Variants in PRR5 observed in about 807,000 individuals in gnomAD.
PRR5 encodes proline-rich protein 5.
A neutral mutation model predicts 30.6 loss-of-function variants in PRR5; 25 were observed. The observed-to-expected ratio is 0.82, with a 90% CI of 0.60 to 1.14. PRR5 has a LOEUF of 1.14. PRR5 is among the 50% of genes most tolerant of loss of function. PRR5 has a pLI of 0.00. For missense variants in PRR5, 600 were observed against 547.1 expected, an observed-to-expected ratio of 1.10 and a Z score of -0.96; for synonymous variants, 286 against 247.1, an observed-to-expected ratio of 1.16 and a Z score of -1.48.
intron 1 of PRR5, among the ~76,000 whole-genome samples, chr22:44,707,974 A>T (rs1240040011): frequency 2.0e-5 from 3 of 152,070 alleles, no homozygotes; most frequent in African/African-American, 7.2e-5. Flanking sequence ...GCCGGCGATG[A>T]TTCGCTTCTC....
chr22:44,678,156 A>G (rs1923931002), intron 1 of PRR5, among the ~76,000 whole-genome samples: 2 of 152,038 alleles, frequency 1.3e-5, no homozygotes, highest in Admixed American at 6.5e-5. Flanking sequence ...GTCATCTCCA[A>G]TGCCCAGTCC....
At chr22:44,711,369 C>G (rs1226599340) in intron 1 of PRR5, among the ~76,000 whole-genome samples, 1 of 152,102 alleles carries the variant, frequency 6.6e-6, no homozygotes, top group Non-Finnish European at 1.5e-5. Flanking sequence ...CAGAAAGAAG[C>G]CAGGGCAGCT....
rs1925221530 is a variant in PRR5 at position 44,691,361 on chromosome 22, G to A, written c.-10-11131G>A. ...GCACGGAGAGGAGGCTACCCAGCTGGAGGGGTTGTGGTGGGGAGGCCGTGG... is the reference window on the plus strand; with the variant it reads ...GCACGGAGAGGAGGCTACCCAGCTGAAGGGGTTGTGGTGGGGAGGCCGTGG... On this transcript the variant is annotated intron_variant, in intron 1 of 8. Transcript: ENST00000006251. The surrounding 1 kb of genome is among the most constrained non-coding windows in gnomAD (Gnocchi z 4.4). Among the ~76,000 whole-genome samples, 1 of 152,152 alleles carries A rather than the reference G, an allele frequency of 6.6e-6. No homozygotes were observed. The highest frequency in any genetic ancestry group is 2.4e-5 in the African/African-American group (1 of 41,428).
intron 1 of PRR5, among the ~76,000 whole-genome samples, chr22:44,684,147 C>A (rs1241901281): frequency 6.6e-6 from 1 of 152,174 alleles, no homozygotes; most frequent in Non-Finnish European, 1.5e-5. Flanking sequence ...CCACCTGTGG[C>A]CACCCCAGCC....
chr22:44,700,034 G>A (rs1160425431), upstream of PRR5, among the ~76,000 whole-genome samples: 8 of 152,084 alleles, frequency 5.3e-5, no homozygotes, highest in Non-Finnish European at 1.0e-4. Context: ...TGAGAGCGTG[G>A]GCTAGGCACA....
intron 1 of PRR5, among the ~76,000 whole-genome samples, chr22:44,678,079 C>T (rs750915701): frequency 4.7e-4 from 71 of 152,288 alleles, no homozygotes; most frequent in African/African-American, 1.7e-3. Context: ...CAGAGTCACG[C>T]GTGCAGCAGC....
intron 1 of PRR5, among the ~76,000 whole-genome samples, chr22:44,682,680 C>T (rs955847963): frequency 1.1e-4 from 17 of 152,338 alleles, no homozygotes; most frequent in African/African-American, 4.1e-4. Flanking sequence ...AAGGAGGCTG[C>T]AGATGGCTCT....
rs1249582661 is a variant in PRR5 at position 44,737,036 on chromosome 22, C to G, written c.956C>G (p.Pro319Arg). The G allele has an allele frequency of 6.2e-7, 1 of 1,604,180 alleles. No individual in the cohort carries two copies. The highest frequency in any genetic ancestry group is 1.7e-4 in the Middle Eastern group (1 of 6,038). ...SSPAPHSGPC[P>R]SRLYPTTQPP... ...CCGGCGCCCCACTCAGGGCCCTGCC[C>G]CAGCAGACTGTACCCCACGACCCAG... The change falls in exon 8 of 8, where the codon CCC becomes CGC. Residue 319 changes from proline to arginine, a missense_variant. By Grantham distance (103) the Pro-to-Arg change is moderately radical (BLOSUM62 -2). Coordinates refer to ENST00000336985, the MANE Select transcript of PRR5 (RefSeq NM_181333.4).
chr22:44,717,727 T>C (rs1313845117), intron 2 of PRR5, among the ~76,000 whole-genome samples: 1 of 151,850 alleles, frequency 6.6e-6, no homozygotes, highest in East Asian at 1.9e-4. Context: ...CTTTTTTTTT[T>C]TTTTTTGAGA....
chr22:44,669,184 C>G (rs1923278253), intron 1 of PRR5, among the ~76,000 whole-genome samples: 1 of 151,788 alleles, frequency 6.6e-6, no homozygotes, highest in African/African-American at 2.4e-5. Flanking sequence ...TCCAGCCGCC[C>G]CGTGTCCCCA....
At chr22:44,722,721 G>A (rs1930123767) in intron 2 of PRR5, among the ~76,000 whole-genome samples, 1 of 152,182 alleles carries the variant, frequency 6.6e-6, no homozygotes. Flanking sequence ...CAGATCCATG[G>A]TTAAGAGAGC....
chr22:44,683,936 G>A (rs1016716517), intron 1 of PRR5, among the ~76,000 whole-genome samples: 3 of 152,260 alleles, frequency 2.0e-5, no homozygotes, highest in Admixed American at 6.5e-5. Context: ...TCCTTTGTCA[G>A]AAGCCCTAGC....
At chr22:44,695,485 G>GT (rs1398298045) in intron 1 of PRR5, among the ~76,000 whole-genome samples, 1 of 152,142 alleles carries the variant, frequency 6.6e-6, no homozygotes, top group Admixed American at 6.6e-5. Context: ...CAAGGTTGTG[G>GT]TTTTTTAGAG....
chr22:44,680,055 C>A (rs1252322488), intron 1 of PRR5, among the ~76,000 whole-genome samples: 2 of 152,196 alleles, frequency 1.3e-5, no homozygotes, highest in Admixed American at 6.5e-5. Flanking sequence ...GCAGTGATGT[C>A]AGTCCCTCCT....
At chr22:44,732,947 G>T (rs1055669111) in intron 6 of PRR5, among the ~76,000 whole-genome samples, 1 of 149,234 alleles carries the variant, frequency 6.7e-6, no homozygotes, top group African/African-American at 2.5e-5. Context: ...ACACACGTGT[G>T]CACACATACG....
chr22:44,682,263 G>A (rs5765899), intron 1 of PRR5, among the ~76,000 whole-genome samples: 13,197 of 152,278 alleles, frequency 0.087, 1,368 homozygotes, highest in African/African-American at 0.25. Context: ...GCAGTGTCAC[G>A]GTCACTGAGC....
intron 1 of PRR5, among the ~76,000 whole-genome samples, chr22:44,707,898 T>A (rs1434454278): frequency 6.6e-6 from 1 of 152,188 alleles, no homozygotes; most frequent in East Asian, 1.9e-4. Context: ...GCCCACCTTC[T>A]GCTTGAAGTG....
chr22:44,698,743 C>T (rs576633869), upstream of PRR5, among the ~76,000 whole-genome samples: 11 of 152,348 alleles, frequency 7.2e-5, no homozygotes, highest in Non-Finnish European at 1.5e-4. Flanking sequence ...GTCAATCTCT[C>T]CGTTGTAAAA....
chr22:44,720,736 G>A (rs992237503), intron 2 of PRR5, among the ~76,000 whole-genome samples: 1 of 152,294 alleles, frequency 6.6e-6, no homozygotes, highest in Middle Eastern at 3.4e-3. Flanking sequence ...ATTGGGGTCC[G>A]GGAGAGTTGG....
Sources: allele counts gnomAD v4.1 joint callset (sites outside exome capture counted in the v4.1 genomes callset), GRCh38; gene constraint gnomAD v4.1.1; non-coding constraint Gnocchi (gnomAD v3.1); transcripts MANE v1.5; gene names NCBI Gene and HGNC (gene_info 2026-07-23, HGNC 2026-07-21).